Variants in MBD5 observed in about 807,000 individuals in gnomAD.
MBD5 encodes methyl-CpG-binding domain protein 5.
A neutral mutation model predicts 117.3 loss-of-function variants in MBD5; 13 were observed. That is an observed-to-expected ratio of 0.11 (90% CI 0.07 to 0.18). MBD5 has a LOEUF of 0.18. MBD5 is among the 10% of genes least tolerant of loss of function. MBD5 has a pLI of 1.00. For synonymous variants in MBD5, 727 were observed against 766.4 expected (o/e 0.95, Z 0.85); for missense variants, 1,879 against 2,093.8 (o/e 0.90, Z 2.00).
intron 3 of MBD5, among the ~76,000 whole-genome samples, chr2:148,294,196 GTTTTTTTT>G (rs60942822): frequency 3.9e-5 from 5 of 127,126 alleles, no homozygotes; most frequent in African/African-American, 1.5e-4. Flanking sequence ...CCAGAATGAA[GTTTTTTTT>G]TTTTTTTTTT....
At chr2:148,386,040 A>G (rs907940515) in intron 4 of MBD5, among the ~76,000 whole-genome samples, 2 of 151,718 alleles carry the variant, frequency 1.3e-5, no homozygotes, top group Non-Finnish European at 2.9e-5. Flanking sequence ...CAGCACACCA[A>G]CATGGCACAT....
At position 148,085,754 on chromosome 2, in the gene MBD5, A is replaced by C. The variant is rs575077241; in HGVS notation, c.-925+64070A>C. Among the ~76,000 whole-genome samples the C allele has an allele frequency of 9.9e-5, 15 of 152,172 alleles. No individual in the cohort carries two copies. In the South Asian group the frequency reaches 3.1e-3, roughly 32 times the overall value. On this transcript the variant is annotated intron_variant, in intron 1 of 13. Coordinates refer to ENST00000642680, the MANE Select transcript of MBD5 (RefSeq NM_001378120.1). ...AAAAAAGTTTTGGAGCTAGTTAGAA[A>C]GCCCCAAATTTCTCTTTTAATGGTA...
intron 4 of MBD5, among the ~76,000 whole-genome samples, chr2:148,434,573 A>G (rs572788114): frequency 3.3e-5 from 5 of 152,018 alleles, no homozygotes; most frequent in African/African-American, 9.6e-5. Context: ...GTTTTGAGTG[A>G]TTATCTTACT....
chr2:148,196,451 C>T (rs1698990061), intron 2 of MBD5, among the ~76,000 whole-genome samples: 1 of 152,074 alleles, frequency 6.6e-6, no homozygotes, highest in Admixed American at 6.6e-5. Context: ...CTGAAAGAGT[C>T]CCTTTCATAA....
intron 2 of MBD5, among the ~76,000 whole-genome samples, chr2:148,187,840 A>C (rs998710021): frequency 2.0e-5 from 3 of 152,212 alleles, no homozygotes; most frequent in Non-Finnish European, 4.4e-5. Context: ...TCTTCAGAAG[A>C]ATGAAGAGCC....
chr2:148,515,303 T>C lies in MBD5; in HGVS notation c.*2362T>C, dbSNP rs1368545137. ...TAATTCAGTTTGTGCTTCCCTCCCA[T>C]TGTATACTTTACATAAGTAGACCAT... On this transcript the variant is annotated 3_prime_UTR_variant, in exon 14 of 14. Coordinates refer to ENST00000642680, the MANE Select transcript of MBD5 (RefSeq NM_001378120.1). 6.6e-6 allele frequency: 1 copy of C among 152,160 alleles called. No homozygotes were observed. Among genetic ancestry groups the C allele is most frequent in the Non-Finnish European group, 1.5e-5 (1 of 68,036 alleles). The allele number at this position is 152,160 out of a possible 1,614,324, so 9.4% of individuals were successfully genotyped here.
At chr2:148,151,524 C>T (rs1343296175) in intron 1 of MBD5, among the ~76,000 whole-genome samples, 2 of 152,208 alleles carry the variant, frequency 1.3e-5, no homozygotes, top group Non-Finnish European at 2.9e-5. Context: ...ATGGTACCAG[C>T]TCCTCCTTGT....
At chr2:148,140,643 A>T (rs1347193797) in intron 1 of MBD5, among the ~76,000 whole-genome samples, 1 of 152,240 alleles carries the variant, frequency 6.6e-6, no homozygotes, top group Admixed American at 6.5e-5. Context: ...GCTGTCATAC[A>T]AAGTACTTTT....
intron 10 of MBD5, 103 bp from the exon 11 acceptor site, chr2:148,489,283 A>C (rs918010397): frequency 1.3e-4 from 184 of 1,364,008 alleles, no homozygotes; most frequent in Middle Eastern, 1.3e-3. Flanking sequence ...CTTCCTTGTT[A>C]ATATTTGTTT....
chr2:148,129,360 C>T (rs758611490), intron 1 of MBD5, among the ~76,000 whole-genome samples: 7 of 151,870 alleles, frequency 4.6e-5, no homozygotes, highest in African/African-American at 9.7e-5. Flanking sequence ...CCAGGCGTGG[C>T]GATGTGTGCC....
At chr2:148,394,102 T>C (rs1394803503) in intron 4 of MBD5, among the ~76,000 whole-genome samples, 1 of 152,234 alleles carries the variant, frequency 6.6e-6, no homozygotes, top group East Asian at 1.9e-4. Flanking sequence ...CATAAGTATG[T>C]GGGGTCCTGT....
intron 3 of MBD5, among the ~76,000 whole-genome samples, chr2:148,252,167 C>T (rs80260228): frequency 0.13 from 19,288 of 152,110 alleles, 1,480 homozygotes; most frequent in Non-Finnish European, 0.18. Context: ...GAAGTGTCCT[C>T]ATTAAGAAAC....
intron 3 of MBD5, among the ~76,000 whole-genome samples, chr2:148,258,121 AG>A (rs1448978945): frequency 6.6e-6 from 1 of 152,130 alleles, no homozygotes; most frequent in Non-Finnish European, 1.5e-5. Flanking sequence ...GTAACCAGTC[AG>A]GGTTGTGGCA....
At chr2:148,170,513 G>A (rs2105796128) in intron 1 of MBD5, among the ~76,000 whole-genome samples, 1 of 152,258 alleles carries the variant, frequency 6.6e-6, no homozygotes, top group Non-Finnish European at 1.5e-5. Flanking sequence ...AGGATTCTTT[G>A]CGGTTTTATT....
intron 3 of MBD5, among the ~76,000 whole-genome samples, chr2:148,286,183 T>C (rs1261010370): frequency 1.3e-5 from 2 of 152,224 alleles, no homozygotes; most frequent in Non-Finnish European, 2.9e-5. Context: ...TCCGTTTTAA[T>C]ACATGAACAT....
intron 1 of MBD5, among the ~76,000 whole-genome samples, chr2:148,173,440 G>T (rs758513682): frequency 2.6e-5 from 4 of 152,184 alleles, no homozygotes; most frequent in Admixed American, 1.3e-4. Context: ...TCACACACCC[G>T]TTGCCACTCC....
intron 3 of MBD5, among the ~76,000 whole-genome samples, chr2:148,242,329 G>C (rs1327625528): frequency 6.6e-6 from 1 of 151,542 alleles, no homozygotes. Flanking sequence ...TATTAAATAT[G>C]TAAGGTAAGT....
chr2:148,305,368 G>A (rs1372840617), intron 3 of MBD5, among the ~76,000 whole-genome samples: 1 of 152,140 alleles, frequency 6.6e-6, no homozygotes, highest in Non-Finnish European at 1.5e-5. Flanking sequence ...GATGTCTGCC[G>A]GATGGTATGA....
chr2:148,316,463 T>G (rs574294560), intron 3 of MBD5, among the ~76,000 whole-genome samples: 1 of 152,322 alleles, frequency 6.6e-6, no homozygotes, highest in South Asian at 2.1e-4. Flanking sequence ...ATATGCAATC[T>G]CATATCCTCA....
Sources: allele counts gnomAD v4.1 joint callset (sites outside exome capture counted in the v4.1 genomes callset), GRCh38; gene constraint gnomAD v4.1.1; transcripts MANE v1.5; gene names NCBI Gene and HGNC (gene_info 2026-07-23, HGNC 2026-07-21).